The following HS6ST3 variants were observed in gnomAD, a reference collection of about 807,000 sequenced individuals.
HS6ST3 encodes heparan sulfate 6-O-sulfotransferase 3.
HS6ST3 carries 12 observed loss-of-function variants against 36.7 expected under a neutral mutation model. The ratio of observed to expected loss-of-function variants is 0.33; its 90% CI spans 0.21 to 0.53. The LOEUF (loss-of-function observed/expected upper bound fraction) is 0.53, where lower values mean the gene tolerates loss of function less well. Ranked by LOEUF, HS6ST3 falls within the 20% of genes least tolerant of loss-of-function variation. HS6ST3 has a pLI of 0.95. For missense variants in HS6ST3, 584 were observed against 640.9 expected (o/e 0.91, Z 0.96); for synonymous variants, 240 against 257.5 (o/e 0.93, Z 0.65).
At chr13:96,512,207 T>C (rs958472298) in intron 1 of HS6ST3, among the ~76,000 whole-genome samples, 1 of 152,196 alleles carries the variant, frequency 6.6e-6, no homozygotes, top group Non-Finnish European at 1.5e-5. Context: ...TGCTGGGGAA[T>C]GTCTGCAAGA....
intron 1 of HS6ST3, among the ~76,000 whole-genome samples, chr13:96,453,197 GA>G (rs1017310223): frequency 1.2e-4 from 18 of 146,214 alleles, no homozygotes; most frequent in African/African-American, 4.6e-4. Context: ...AAAAAAAAAA[GA>G]AAAAAAGATT....
At chr13:96,215,026 A>G (rs760682103) in intron 1 of HS6ST3, among the ~76,000 whole-genome samples, 28 of 152,116 alleles carry the variant, frequency 1.8e-4, no homozygotes, top group Admixed American at 5.2e-4. Flanking sequence ...GCTGAGACCC[A>G]TTTTACCAGA....
chr13:96,241,497 A>C (rs538484597), intron 1 of HS6ST3, among the ~76,000 whole-genome samples: 1 of 152,130 alleles, frequency 6.6e-6, no homozygotes, highest in African/African-American at 2.4e-5. Context: ...ATTTGTCAAA[A>C]TACAAAATAT....
chr13:96,201,786 C>T (rs2054343251), intron 1 of HS6ST3, among the ~76,000 whole-genome samples: 1 of 152,146 alleles, frequency 6.6e-6, no homozygotes, highest in Non-Finnish European at 1.5e-5. Flanking sequence ...AGCACAGTTT[C>T]ATTACATTTT....
chr13:96,721,710 G>C (rs1361731841), intron 1 of HS6ST3, among the ~76,000 whole-genome samples: 1 of 152,104 alleles, frequency 6.6e-6, no homozygotes, highest in Non-Finnish European at 1.5e-5. Flanking sequence ...TTAAACAAAA[G>C]TTTCAGACTG....
intron 1 of HS6ST3, among the ~76,000 whole-genome samples, chr13:96,413,386 G>A (rs1055627291): frequency 6.6e-6 from 1 of 152,166 alleles, no homozygotes; most frequent in Non-Finnish European, 1.5e-5. Context: ...TTTAGAATGA[G>A]CGGAAAATAA....
chr13:96,253,757 A>G (rs1321181952), intron 1 of HS6ST3, among the ~76,000 whole-genome samples: 1 of 152,042 alleles, frequency 6.6e-6, no homozygotes, highest in African/African-American at 2.4e-5. Context: ...CCATTTATTT[A>G]CTCGTCTGCA....
intron 1 of HS6ST3, among the ~76,000 whole-genome samples, chr13:96,203,532 A>G (rs1403512235): frequency 6.6e-6 from 1 of 152,214 alleles, no homozygotes; most frequent in Non-Finnish European, 1.5e-5. Context: ...CTGTTAGACT[A>G]TCCTAAACTA....
At chr13:96,831,976 A>AAAAAAAAAAAAAAAAAAAAAAAAC (rs1566464312) in intron 1 of HS6ST3, among the ~76,000 whole-genome samples, 1 of 149,020 alleles carries the variant, frequency 6.7e-6, no homozygotes, top group African/African-American at 2.5e-5. Flanking sequence ...AAAAAAAAAA[A>AAAAAAAAAAAAAAAAAAAAAAAAC]AAAACAGAGA....
chr13:96,600,605 C>G lies in HS6ST3; in HGVS notation c.708-231885C>G, dbSNP rs184993578. Among the ~76,000 whole-genome samples, 18 of 152,004 alleles carry G rather than the reference C, an allele frequency of 1.2e-4. No homozygotes were observed. In the East Asian group the frequency reaches 3.5e-3, roughly 29 times the overall value. On this transcript the variant is annotated intron_variant, in intron 1 of 1. Transcript: ENST00000376705. The stretch of plus-strand genomic sequence containing the variant: ...TTGAAGACAGCATATATTTGGTGTG[C>G]TTTTTAAATTCATTATGCCAATCTG...
intron 1 of HS6ST3, among the ~76,000 whole-genome samples, chr13:96,386,023 A>G (rs959752484): frequency 6.6e-6 from 1 of 152,168 alleles, no homozygotes; most frequent in African/African-American, 2.4e-5. Context: ...GCTTGCATCT[A>G]CGAGTAAGAA....
intron 1 of HS6ST3, among the ~76,000 whole-genome samples, chr13:96,098,645 A>G (rs2053803115): frequency 6.9e-6 from 1 of 144,058 alleles, no homozygotes; most frequent in African/African-American, 2.6e-5. Context: ...AACAAAGTGA[A>G]ACCCTATCTC....
chr13:96,553,209 C>A (rs2056226121), intron 1 of HS6ST3, among the ~76,000 whole-genome samples: 1 of 152,136 alleles, frequency 6.6e-6, no homozygotes, highest in Non-Finnish European at 1.5e-5. Flanking sequence ...GGCTTATAGC[C>A]CCTTCCTAGG....
At chr13:96,654,721 A>T (rs2056618787) in intron 1 of HS6ST3, among the ~76,000 whole-genome samples, 1 of 152,084 alleles carries the variant, frequency 6.6e-6, no homozygotes, top group Admixed American at 6.6e-5. Context: ...ATATGATGCG[A>T]TGTATGAAAT....
intron 1 of HS6ST3, chr13:96,573,867 T>G (rs1423903885): frequency 6.5e-6 from 3 of 461,520 alleles, no homozygotes; most frequent in Non-Finnish European, 1.3e-5. Context: ...GAATCCAGCA[T>G]CAGGAGCACT....
chr13:96,284,794 C>T (rs958276550), intron 1 of HS6ST3, among the ~76,000 whole-genome samples: 1 of 151,324 alleles, frequency 6.6e-6, no homozygotes, highest in Non-Finnish European at 1.5e-5. Context: ...TTGCTTTTCT[C>T]TCCTTCTTTC....
At chr13:96,799,962 A>ATG (rs138509228) in intron 1 of HS6ST3, among the ~76,000 whole-genome samples, 1 of 69,292 alleles carries the variant, frequency 1.4e-5, no homozygotes, top group Non-Finnish European at 2.6e-5. Flanking sequence ...ATATATATAT[A>ATG]TGTGTATATA....
chr13:96,342,737 T>G (rs112525171), intron 1 of HS6ST3, among the ~76,000 whole-genome samples: 2,031 of 152,306 alleles, frequency 0.013, 43 homozygotes, highest in African/African-American at 0.047. Flanking sequence ...AATTATCAGC[T>G]AAAAATTTCA....
At chr13:96,280,531 A>G (rs527960043) in intron 1 of HS6ST3, among the ~76,000 whole-genome samples, 63 of 152,322 alleles carry the variant, frequency 4.1e-4, no homozygotes, top group Non-Finnish European at 7.8e-4. Context: ...ATGAAATAGA[A>G]AAGTAGATTT....
Sources: allele counts gnomAD v4.1 joint callset (sites outside exome capture counted in the v4.1 genomes callset), GRCh38; gene constraint gnomAD v4.1.1; transcripts MANE v1.5; gene names NCBI Gene and HGNC (gene_info 2026-07-23, HGNC 2026-07-21).